BBS9: variants seen among roughly 807,000 people sequenced by gnomAD.
BBS9 encodes protein PTHB1.
BBS9 carries 89 observed loss-of-function variants against 117.7 expected under a neutral mutation model. That is an observed-to-expected ratio of 0.76 (90% CI 0.64 to 0.90). The LOEUF (loss-of-function observed/expected upper bound fraction) is 0.90, where lower values mean the gene tolerates loss of function less well. BBS9 is among the 40% of genes least tolerant of loss of function. The pLI is 0.00. For missense variants in BBS9, 982 were observed against 1,042.2 expected (o/e 0.94, Z 0.80); for synonymous variants, 379 against 370.9 (o/e 1.02, Z -0.25).
At chr7:33,266,690 AT>A in intron 7 of BBS9, among the ~76,000 whole-genome samples, 1 of 152,004 alleles carries the variant, frequency 6.6e-6, no homozygotes, top group African/African-American at 2.4e-5. Flanking sequence ...TTTGACTGTA[AT>A]TGTGGATTTT....
chr7:33,176,204 G>C (rs945227821), intron 4 of BBS9, among the ~76,000 whole-genome samples: 1 of 152,106 alleles, frequency 6.6e-6, no homozygotes, highest in Non-Finnish European at 1.5e-5. Flanking sequence ...AAAGAGTCCT[G>C]TTTGAGGTGT....
intron 9 of BBS9, among the ~76,000 whole-genome samples, chr7:33,280,668 A>G (rs985163285): frequency 1.3e-5 from 2 of 152,088 alleles, no homozygotes; most frequent in African/African-American, 2.4e-5. Context: ...AAAGATGAAC[A>G]TATGATATAT....
At chr7:33,270,215 C>T (rs1362282762) in intron 7 of BBS9, among the ~76,000 whole-genome samples, 1 of 152,080 alleles carries the variant, frequency 6.6e-6, no homozygotes, top group Non-Finnish European at 1.5e-5. Context: ...ACTGACTATA[C>T]TCAATTTACA....
chr7:33,179,372 C>A (rs763651241), intron 5 of BBS9, among the ~76,000 whole-genome samples: 1 of 152,160 alleles, frequency 6.6e-6, no homozygotes, highest in Non-Finnish European at 1.5e-5. Flanking sequence ...AGGTGAGCGG[C>A]AGGTGAGTGA....
chr7:33,562,678 C>A lies in BBS9; in HGVS notation c.2521+28502C>A, dbSNP rs538413888. On this transcript the variant is annotated intron_variant, in intron 21 of 22. Coordinates refer to ENST00000242067, the MANE Select transcript of BBS9 (RefSeq NM_198428.3). Reference sequence around the variant, plus strand: ...CGGTGGCTCATGCCTATAATCCCAGCACTTTGAGAGGCCGAGGTGGGTGGA... The same window carrying A: ...CGGTGGCTCATGCCTATAATCCCAGAACTTTGAGAGGCCGAGGTGGGTGGA... 3.3e-5 allele frequency among the ~76,000 whole-genome samples: 5 copies of A among 152,328 alleles called. No homozygotes were observed. The South Asian group carries it at 1.0e-3, about 32-fold the overall frequency.
At chr7:33,490,311 G>T (rs1180007091) in intron 19 of BBS9, among the ~76,000 whole-genome samples, 5 of 152,092 alleles carry the variant, frequency 3.3e-5, no homozygotes, top group African/African-American at 7.2e-5. Context: ...GTTTTAAAAA[G>T]ATCAATCTTT....
At chr7:33,223,549 G>A (rs1431628807) in intron 5 of BBS9, among the ~76,000 whole-genome samples, 1 of 152,138 alleles carries the variant, frequency 6.6e-6, no homozygotes, top group Non-Finnish European at 1.5e-5. Flanking sequence ...ACTTTTTGGG[G>A]AGAGGGCCTT....
intron 21 of BBS9, among the ~76,000 whole-genome samples, chr7:33,617,873 G>A (rs1270618132): frequency 2.6e-5 from 4 of 152,060 alleles, no homozygotes; most frequent in Non-Finnish European, 5.9e-5. Flanking sequence ...AAATAATGTA[G>A]ACAGCCTATA....
intron 9 of BBS9, among the ~76,000 whole-genome samples, chr7:33,334,221 C>T (rs894566068): frequency 6.6e-6 from 1 of 152,140 alleles, no homozygotes; most frequent in East Asian, 1.9e-4. Flanking sequence ...TGGAATAAAA[C>T]TGATTTAGTA....
At chr7:33,351,195 A>C in intron 13 of BBS9, 24 bp from the exon 14 acceptor site, 1 of 1,482,292 alleles carries the variant, frequency 6.7e-7, no homozygotes, top group Middle Eastern at 1.7e-4. Flanking sequence ...TATGTAATTT[A>C]TATTATTTTT....
At chr7:33,313,032 CTG>C (rs1562978237) in intron 9 of BBS9, among the ~76,000 whole-genome samples, 1 of 137,210 alleles carries the variant, frequency 7.3e-6, no homozygotes, top group African/African-American at 2.9e-5. Flanking sequence ...GTGCTGTACT[CTG>C]TGGTGTGTGT....
intron 20 of BBS9, among the ~76,000 whole-genome samples, chr7:33,524,827 T>C (rs1849223875): frequency 2.6e-5 from 4 of 152,322 alleles, no homozygotes; most frequent in Admixed American, 2.6e-4. Flanking sequence ...TCTAGTTCTT[T>C]TAATTGTGAT....
chr7:33,609,171 C>T (rs1379067356), downstream of BBS9, among the ~76,000 whole-genome samples: 6 of 152,104 alleles, frequency 3.9e-5, no homozygotes, highest in South Asian at 8.3e-4. Flanking sequence ...TGGCTGTAGG[C>T]GTGTGACTTT....
At chr7:33,320,057 C>A (rs1811368906) in intron 9 of BBS9, among the ~76,000 whole-genome samples, 1 of 152,110 alleles carries the variant, frequency 6.6e-6, no homozygotes, top group African/African-American at 2.4e-5. Context: ...CACATCAAGG[C>A]AATGGGGGTT....
At chr7:33,291,399 G>A (rs965061041) in intron 9 of BBS9, among the ~76,000 whole-genome samples, 1 of 152,114 alleles carries the variant, frequency 6.6e-6, no homozygotes, top group Non-Finnish European at 1.5e-5. Context: ...ATAGTTAGAT[G>A]TTGCCTTTAG....
chr7:33,391,196 T>C (rs1270058966), intron 19 of BBS9, among the ~76,000 whole-genome samples: 1 of 152,162 alleles, frequency 6.6e-6, no homozygotes, highest in African/African-American at 2.4e-5. Context: ...GGAGCATGAT[T>C]TACTTGATGG....
intron 19 of BBS9, among the ~76,000 whole-genome samples, chr7:33,409,058 T>G (rs1830627483): frequency 6.6e-6 from 1 of 152,188 alleles, no homozygotes; most frequent in African/African-American, 2.4e-5. Context: ...ATGAGGTTGT[T>G]TTTTGCTTGT....
At chr7:33,177,252 A>G (rs1797455510) in intron 4 of BBS9, among the ~76,000 whole-genome samples, 1 of 152,166 alleles carries the variant, frequency 6.6e-6, no homozygotes, top group Non-Finnish European at 1.5e-5. Context: ...AAGTGTCCCC[A>G]GGGTAATATT....
At chr7:33,306,984 C>A (rs115033242) in intron 9 of BBS9, among the ~76,000 whole-genome samples, 6 of 151,960 alleles carry the variant, frequency 3.9e-5, no homozygotes, top group Admixed American at 2.6e-4. Flanking sequence ...TGTATGTACG[C>A]GGTATCTGTG....
Sources: gnomAD v4.1 joint callset for allele counts (sites outside exome capture counted in the v4.1 genomes callset) on GRCh38, gnomAD v4.1.1 for gene constraint, MANE v1.5 for transcripts, NCBI Gene and HGNC (gene_info 2026-07-23, HGNC 2026-07-21) for gene names.